The following CROCC variants were observed in gnomAD, a reference collection of about 807,000 sequenced individuals.
The protein encoded by CROCC is rootletin.
CROCC carries 180 observed loss-of-function variants against 245.2 expected under a neutral mutation model. That is an observed-to-expected ratio of 0.73 (90% CI 0.65 to 0.83). The LOEUF is 0.83. Among genes scored for constraint, CROCC ranks in the 40% least tolerant of loss-of-function variants. The pLI, the probability that CROCC is intolerant of heterozygous loss-of-function variation, is 0.00. For synonymous variants in CROCC, 1,205 were observed against 1,241.6 expected, an observed-to-expected ratio of 0.97 and a Z score of 0.62; for missense variants, 2,688 against 2,779.4, an observed-to-expected ratio of 0.97 and a Z score of 0.74.
intron 9 of CROCC, among the ~76,000 whole-genome samples, chr1:16,937,413 C>G (rs566787061): frequency 6.6e-5 from 10 of 152,124 alleles, no homozygotes; most frequent in Admixed American, 6.5e-4. Flanking sequence ...TGGACAAGTC[C>G]TCAACTGCTT....
Position 16,958,634 on chromosome 1 carries a change from C to A in CROCC, c.3916C>A (p.Leu1306Met), listed in dbSNP as rs1410152518. The change falls in exon 26 of 37, where the codon CTG (leucine) becomes ATG (methionine). Residue 1306 changes from leucine to methionine, a missense_variant. Leu to Met is a conservative substitution (Grantham distance 15). Transcript: ENST00000375541. ...CAGACTGGGCCGGGAGCTGGCGGAGCTGCAGGGCCGCCTGGCGCTGGGCGA... is the reference window on the plus strand; with the variant it reads ...CAGACTGGGCCGGGAGCTGGCGGAGATGCAGGGCCGCCTGGCGCTGGGCGA... ...NTRLGRELAELQGRLALGERA... is the reference protein window; with the variant it reads ...NTRLGRELAEMQGRLALGERA... 1.9e-6 allele frequency: 3 copies of A among 1,556,086 alleles called. No homozygotes were observed. Among genetic ancestry groups the A allele is most frequent in the Admixed American group, 3.9e-5 (2 of 51,536 alleles).
intron 8 of CROCC, among the ~76,000 whole-genome samples, 197 bp from the exon 9 acceptor site, chr1:16,936,440 T>G (rs1340609264): frequency 2.2e-4 from 33 of 152,368 alleles, no homozygotes; most frequent in Middle Eastern, 6.8e-3. Flanking sequence ...GCTAATTTTT[T>G]GTATTTGTAG....
At chr1:16,961,182 A>G in intron 27 of CROCC, 52 bp downstream of exon 27, 1 of 1,258,956 alleles carries the variant, frequency 7.9e-7, no homozygotes, top group Non-Finnish European at 1.0e-6. Flanking sequence ...GGCCGCACTG[A>G]GGCCCCGCCC....
In CROCC at chr1:16,968,368, GAGGCCCAAGCCC is replaced by G; in HGVS notation, c.5033_5044del (p.Gln1678_Ala1681del). On this transcript the variant is annotated inframe_deletion, in exon 31 of 37. Transcript: ENST00000375541. ...CAGCCGCCTGGGCCTCAGTGACCGC[GAGGCCCAAGCCC>G]AGGCCCTCCAGGATCGGGTGGATTC... The G allele has an allele frequency of 1.3e-6, 2 of 1,533,950 alleles. No individual in the cohort carries two copies. Among genetic ancestry groups the G allele is most frequent in the Non-Finnish European group, 1.8e-6 (2 of 1,139,278 alleles).
At chr1:16,969,369 G>T (rs770909565) in intron 32 of CROCC, 29 bp downstream of exon 32, 24 of 1,587,718 alleles carry the variant, frequency 1.5e-5, no homozygotes, top group Non-Finnish European at 1.9e-5. Context: ...GGCTGGGGTG[G>T]GCCCAGTGAG....
chr1:16,923,789 T>C (rs1323336637), intron 2 of CROCC, among the ~76,000 whole-genome samples: 2 of 151,826 alleles, frequency 1.3e-5, no homozygotes, highest in Middle Eastern at 3.4e-3. Context: ...CAAGTGATTC[T>C]GCTGTCTCAG....
At chr1:16,924,232 C>G in intron 2 of CROCC, 93 bp from the exon 3 acceptor site, 1 of 1,494,452 alleles carries the variant, frequency 6.7e-7, no homozygotes, top group South Asian at 1.3e-5. Flanking sequence ...GGACTCCTCC[C>G]AGGGGCCTGG....
At chr1:16,961,245 C>T (rs2076328816) in intron 27 of CROCC, 115 bp downstream of exon 27, 2 of 1,026,484 alleles carry the variant, frequency 1.9e-6, no homozygotes, top group African/African-American at 3.4e-5. Context: ...AAGGAGCCCA[C>T]CACACCTCTC....
intron 35 of CROCC, among the ~76,000 whole-genome samples, 177 bp from the exon 36 acceptor site, chr1:16,971,288 C>T (rs939064348): frequency 1.3e-5 from 2 of 151,530 alleles, no homozygotes; most frequent in Admixed American, 6.6e-5. Flanking sequence ...ATTGGGTGCA[C>T]TCATCCTGGG....
intron 20 of CROCC, among the ~76,000 whole-genome samples, chr1:16,952,887 C>T (rs1236291936): frequency 6.6e-6 from 1 of 152,250 alleles, no homozygotes; most frequent in African/African-American, 2.4e-5. Context: ...ACTCCCCTCA[C>T]TGTCCTTAGA....
rs1445582394 is a variant in CROCC at position 16,946,820 on chromosome 1, A to G, written c.2343A>G (p.Thr781=). Residue 781 remains threonine (T), a synonymous_variant, in exon 17 of 37, where the codon ACA becomes ACG. Transcript: ENST00000375541. ...AACGGCAGGCAGAGCAGGAGGCCAC[A>G]GTGGCGCGGGAAGAGCAGGAACGGC... ...GRQRQAEQEA[T]VAREEQERLE... is the part of the protein sequence containing the mutation. The G allele has an allele frequency of 6.4e-6, 10 of 1,553,128 alleles. No homozygotes were observed. In the East Asian group the frequency reaches 1.2e-4, roughly 19 times the overall value.
In CROCC at chr1:16,961,067, C is replaced by A. The variant is rs1316306127; in HGVS notation, c.4342C>A (p.Arg1448Ser). Residue 1448 changes from arginine to serine, a missense_variant, in exon 27 of 37, where the codon CGC (arginine) becomes AGC (serine). Around this residue, in one of 9 missense-constraint regions of CROCC, gnomAD observed 1,218 missense variants for 1,286.3 expected, o/e 0.95. Coordinates refer to ENST00000375541, the MANE Select transcript of CROCC (RefSeq NM_014675.5). ...TCTGCGCCGGGGCCTCGGCCTCGGTCGCGCGCCCAGCCCAGCCCCGCGGCC... is the reference window on the plus strand; with the variant it reads ...TCTGCGCCGGGGCCTCGGCCTCGGTAGCGCGCCCAGCCCAGCCCCGCGGCC... Reference protein sequence around the residue: ...SALRRGLGLGRAPSPAPRPVP... With the variant: ...SALRRGLGLGSAPSPAPRPVP... 5 of 1,344,032 alleles carry A rather than the reference C, an allele frequency of 3.7e-6. No homozygotes were observed. Among genetic ancestry groups the A allele is most frequent in the South Asian group, 3.7e-5 (2 of 54,310 alleles). The allele number at this position is 1,344,032 out of a possible 1,614,324, so 83.3% of individuals were successfully genotyped here.
rs552903011 is a variant in CROCC, at chr1:16,927,457, C to T, written c.352-2389C>T. Among the ~76,000 whole-genome samples the T allele has an allele frequency of 5.9e-5, 9 of 152,364 alleles. No homozygotes were observed. In the South Asian group the frequency reaches 6.2e-4, roughly 11 times the overall value. On this transcript the variant is annotated intron_variant, in intron 3 of 36. Coordinates refer to ENST00000375541, the MANE Select transcript of CROCC (RefSeq NM_014675.5). ...CACACCCCCCAGACCCACCCACATG[C>T]GGTTGTACACTTGCCTCACCGACAC...
At chr1:16,934,039 G>A (rs966971560) in intron 8 of CROCC, among the ~76,000 whole-genome samples, 5 of 152,234 alleles carry the variant, frequency 3.3e-5, no homozygotes, top group Admixed American at 1.3e-4. Flanking sequence ...GTCAGATTCA[G>A]GTTCTTCTGC....
At position 16,956,053 on chromosome 1, in the gene CROCC, G is replaced by A. The variant is rs1185214226; in HGVS notation, c.3761G>A (p.Arg1254Gln). The A allele has an allele frequency of 1.6e-5, 25 of 1,551,058 alleles. No individual in the cohort carries two copies. The highest frequency in any genetic ancestry group is 2.7e-5 in the African/African-American group (2 of 73,048). ...AAGCTGGCACTCCTAGAGGAGGCAC[G>A]GACAGCTGTGGGCAAGGAGGCCGGG... is the stretch of plus-strand genomic sequence containing the variant. ...EQKLALLEEARTAVGKEAGEL... is the reference protein window; with the variant it reads ...EQKLALLEEAQTAVGKEAGEL... The change falls in exon 25 of 37, where the codon CGG becomes CAG. Residue 1254 changes from arginine (R) to glutamine (Q), a missense_variant. Coordinates refer to ENST00000375541, the MANE Select transcript of CROCC (RefSeq NM_014675.5).
At chr1:16,925,294 C>T (rs113310303) in intron 3 of CROCC, among the ~76,000 whole-genome samples, 3 of 152,248 alleles carry the variant, frequency 2.0e-5, no homozygotes, top group African/African-American at 7.2e-5. Context: ...ATGTGCCAGG[C>T]GCGTGCTGAG....
intron 3 of CROCC, among the ~76,000 whole-genome samples, chr1:16,926,735 G>T (rs565026361): frequency 6.6e-6 from 1 of 152,364 alleles, no homozygotes; most frequent in Non-Finnish European, 1.5e-5. Flanking sequence ...GAGTGGTCAC[G>T]CCTCCCTTGG....
Position 16,922,783 on chromosome 1 carries a change from C to T in CROCC, c.181C>T (p.Gln61Ter), listed in dbSNP as rs146224530. The T allele has an allele frequency of 5.5e-5, 89 of 1,613,028 alleles. No homozygotes were observed. The highest frequency in any genetic ancestry group is 6.8e-5 in the Non-Finnish European group (80 of 1,179,790). ...GGAGATTGTCACCCGCAACCTCTCC[C>T]AGCCTGAGAGCCCAGGTGCCACCCC... is the stretch of plus-strand genomic sequence containing the variant. ...IREIVTRNLS[Q>*]PESPVLLPAT... Residue 61 changes from glutamine (Q) to a stop codon, truncating the protein, a stop_gained, in exon 2 of 37, where the codon CAG becomes TAG. Coordinates refer to ENST00000375541, the MANE Select transcript of CROCC (RefSeq NM_014675.5). LOFTEE classifies it high-confidence loss of function.
chr1:16,944,838 A>T (rs2761549), intron 14 of CROCC, among the ~76,000 whole-genome samples: 1 of 127,182 alleles, frequency 7.9e-6, no homozygotes, highest in African/African-American at 2.9e-5. Flanking sequence ...GACGTGATCG[A>T]TGATGATGTT....
Sources: gnomAD v4.1 joint callset for allele counts (sites outside exome capture counted in the v4.1 genomes callset) on GRCh38, gnomAD v4.1.1 for gene constraint, gnomAD v4.1.1 regional missense constraint, MANE v1.5 for transcripts, NCBI Gene and HGNC (gene_info 2026-07-23, HGNC 2026-07-21) for gene names.